C9orf85: variants seen among roughly 807,000 people sequenced by gnomAD.
C9orf85 encodes the protein chromosome 9 open reading frame 85.
A neutral mutation model predicts 14.9 loss-of-function variants in C9orf85; 16 were observed. That is an observed-to-expected ratio of 1.08 (90% CI 0.73 to 1.63). The LOEUF (loss-of-function observed/expected upper bound fraction) is 1.63. C9orf85 is among the 40% of genes most tolerant of loss of function. C9orf85 has a pLI of 0.00. For synonymous variants in C9orf85, 45 were observed against 56.8 expected, an observed-to-expected ratio of 0.79 and a Z score of 0.93; for missense variants, 172 against 186.1, an observed-to-expected ratio of 0.92 and a Z score of 0.44.
downstream of C9orf85, chr9:71,983,590 C>A (rs1823147790): frequency 6.6e-6 from 1 of 152,232 alleles, no homozygotes; most frequent in African/African-American, 2.4e-5. Context: ...GAAAGTCTAT[C>A]TGCTGCCACG....
intron 1 of C9orf85, among the ~76,000 whole-genome samples, chr9:71,929,761 G>T (rs1439223167): frequency 6.6e-6 from 1 of 151,504 alleles, no homozygotes; most frequent in East Asian, 1.9e-4. Flanking sequence ...CAATGAAAAT[G>T]TGTGCTCTTC....
intron 2 of C9orf85, among the ~76,000 whole-genome samples, chr9:71,967,713 CTTTTT>C (rs55750667): frequency 1.3e-4 from 12 of 94,082 alleles, no homozygotes; most frequent in African/African-American, 5.7e-4. Context: ...TATGACCTTT[CTTTTT>C]TTTTTTTTTT....
chr9:71,928,868 TA>T (rs1228924818), intron 1 of C9orf85, among the ~76,000 whole-genome samples: 4 of 152,232 alleles, frequency 2.6e-5, no homozygotes, highest in Non-Finnish European at 4.4e-5. Flanking sequence ...CTTAGATTTT[TA>T]TATTCTTGTC....
chr9:71,933,437 C>T (rs954482325), intron 1 of C9orf85, among the ~76,000 whole-genome samples: 6 of 152,190 alleles, frequency 3.9e-5, no homozygotes, highest in South Asian at 2.1e-4. Context: ...TTTCCTACTA[C>T]ACAAATTTTA....
At chr9:71,982,366 G>A (rs1416121300) in intron 3 of C9orf85, among the ~76,000 whole-genome samples, 1 of 152,000 alleles carries the variant, frequency 6.6e-6, no homozygotes, top group East Asian at 1.9e-4. Context: ...AACTCTTTGT[G>A]TGGACATATG....
chr9:71,945,162 A>G (rs1370830369), intron 1 of C9orf85, among the ~76,000 whole-genome samples: 3 of 152,256 alleles, frequency 2.0e-5, no homozygotes, highest in Non-Finnish European at 4.4e-5. Flanking sequence ...TATTGAAGTC[A>G]TAGTTCAAAG....
chr9:71,984,985 C>G (rs1407204591), downstream of C9orf85: 1 of 152,216 alleles, frequency 6.6e-6, no homozygotes, highest in East Asian at 1.9e-4. Flanking sequence ...TGCACCCTTT[C>G]CTGAGCAGGG....
chr9:71,915,750 TAATAA>T, intron 1 of C9orf85, among the ~76,000 whole-genome samples: 1 of 152,354 alleles, frequency 6.6e-6, no homozygotes, highest in Admixed American at 6.5e-5. Context: ...AGTGCATATG[TAATAA>T]AATACATCTT....
At chr9:71,976,528 G>A (rs1368621435), downstream of C9orf85, among the ~76,000 whole-genome samples, 1 of 152,080 alleles carries the variant, frequency 6.6e-6, no homozygotes. Flanking sequence ...CGGGCGTGGT[G>A]GCGGGCGCCT....
chr9:71,974,959 T>C (rs1348454796), downstream of C9orf85, among the ~76,000 whole-genome samples: 1 of 152,216 alleles, frequency 6.6e-6, no homozygotes, highest in African/African-American at 2.4e-5. Context: ...AGGGAATAAT[T>C]TAAGTGGAAT....
chr9:71,982,462 C>G (rs961622492), intron 3 of C9orf85, among the ~76,000 whole-genome samples: 2 of 151,972 alleles, frequency 1.3e-5, no homozygotes, highest in East Asian at 3.9e-4. Context: ...TTTTAAGGAA[C>G]CACCAAACTT....
intron 2 of C9orf85, among the ~76,000 whole-genome samples, chr9:71,953,831 G>C (rs781482670): frequency 6.6e-6 from 1 of 152,068 alleles, no homozygotes; most frequent in Non-Finnish European, 1.5e-5. Flanking sequence ...AGGCACAGTC[G>C]CTCACACCTG....
intron 1 of C9orf85, among the ~76,000 whole-genome samples, chr9:71,928,220 A>G (rs1042379458): frequency 3.6e-4 from 54 of 149,688 alleles, no homozygotes; most frequent in South Asian, 1.7e-3. Flanking sequence ...AAAAAAGGCA[A>G]TGGCTTATGT....
intron 1 of C9orf85, among the ~76,000 whole-genome samples, chr9:71,927,115 A>T (rs575470442): frequency 1.2e-4 from 19 of 152,224 alleles, no homozygotes; most frequent in Admixed American, 4.6e-4. Context: ...AACTGTAAGT[A>T]GGCATCAGAC....
intron 1 of C9orf85, among the ~76,000 whole-genome samples, chr9:71,919,430 T>C (rs1306309698): frequency 6.6e-6 from 1 of 152,234 alleles, no homozygotes; most frequent in Admixed American, 6.5e-5. Context: ...GAATTGACCA[T>C]CTCTGACGTT....
At chr9:71,973,608 G>A (rs963267933), downstream of C9orf85, among the ~76,000 whole-genome samples, 1 of 152,032 alleles carries the variant, frequency 6.6e-6, no homozygotes, top group Admixed American at 6.6e-5. Flanking sequence ...CAGAAAAAGT[G>A]CATATAATTT....
chr9:71,966,310 C>T (rs770529879), intron 2 of C9orf85, among the ~76,000 whole-genome samples: 1 of 151,858 alleles, frequency 6.6e-6, no homozygotes, highest in Non-Finnish European at 1.5e-5. Context: ...TGTAATTCAG[C>T]TGAATTTTTT....
intron 1 of C9orf85, among the ~76,000 whole-genome samples, chr9:71,919,730 T>A (rs1337534311): frequency 1.3e-5 from 2 of 152,230 alleles, no homozygotes; most frequent in African/African-American, 4.8e-5. Flanking sequence ...TACTATTGTT[T>A]ACCTTTTATT....
intron 2 of C9orf85, among the ~76,000 whole-genome samples, chr9:71,963,929 C>T (rs1261790808): frequency 6.6e-6 from 1 of 152,210 alleles, no homozygotes; most frequent in East Asian, 1.9e-4. Flanking sequence ...TGCGGGCGCA[C>T]GGCACGGGAC....
Sources: allele counts gnomAD v4.1 joint callset (sites outside exome capture counted in the v4.1 genomes callset), GRCh38; gene constraint gnomAD v4.1.1; transcripts MANE v1.5; gene names NCBI Gene and HGNC (gene_info 2026-07-23, HGNC 2026-07-21).